Variants in TEX11 observed in about 807,000 individuals in gnomAD.
TEX11 encodes the protein testis-expressed protein 11.
TEX11 carries 7 observed loss-of-function variants against 84.4 expected under a neutral mutation model. That is an observed-to-expected ratio of 0.08 (90% CI 0.05 to 0.16). The LOEUF is 0.16. TEX11 is among the 10% of genes least tolerant of loss of function. TEX11 has a pLI of 1.00. For synonymous variants in TEX11, 264 were observed against 222.8 expected (o/e 1.18, Z -1.64); for missense variants, 551 against 660.5 (o/e 0.83, Z 1.82).
At chrX:70,779,234 G>A (rs2091021025) in intron 9 of TEX11, among the ~76,000 whole-genome samples, 1 of 108,848 alleles carries the variant, frequency 9.2e-6, no homozygotes, top group Admixed American at 1.0e-4. Flanking sequence ...GGCCAAGATG[G>A]TGAAACCCCG....
At chrX:70,825,349 G>GTA (rs202133646) in intron 8 of TEX11, among the ~76,000 whole-genome samples, 83 of 105,581 alleles carry the variant, frequency 7.9e-4, no homozygotes, top group East Asian at 5.5e-3. Context: ...TTATATATAT[G>GTA]TATATATATA....
intron 2 of TEX11, among the ~76,000 whole-genome samples, chrX:70,907,468 G>A (rs982822395): frequency 3.6e-5 from 4 of 110,268 alleles, no homozygotes; most frequent in Admixed American, 9.7e-5. Flanking sequence ...GCGCAGTGGC[G>A]CAGTCTCTGC....
chrX:70,536,280 G>A (rs1487018086), intron 28 of TEX11, among the ~76,000 whole-genome samples: 2 of 110,036 alleles, frequency 1.8e-5, no homozygotes, highest in African/African-American at 6.6e-5. Context: ...ATAGAGACAA[G>A]ATCTCGCTAT....
chrX:70,818,799 G>A (rs2091303633), intron 8 of TEX11, among the ~76,000 whole-genome samples: 1 of 111,233 alleles, frequency 9.0e-6, no homozygotes, highest in Non-Finnish European at 1.9e-5. Flanking sequence ...ACACCCACAG[G>A]TGAAGGTTTT....
chrX:70,550,707 A>G (rs775905742), intron 28 of TEX11, among the ~76,000 whole-genome samples: 18 of 111,389 alleles, frequency 1.6e-4, no homozygotes, highest in African/African-American at 5.9e-4. Context: ...ATATCATCTC[A>G]CCCCAGTTAA....
intron 9 of TEX11, among the ~76,000 whole-genome samples, chrX:70,780,392 C>T (rs756248792): frequency 8.9e-5 from 10 of 112,784 alleles, no homozygotes; most frequent in Non-Finnish European, 1.5e-4. Flanking sequence ...GCGTGATCGA[C>T]GCAGAAGATG....
At chrX:70,750,930 AAAAAT>A (rs1320040660) in intron 9 of TEX11, among the ~76,000 whole-genome samples, 5 of 36,970 alleles carry the variant, frequency 1.4e-4, no homozygotes, top group African/African-American at 6.8e-4. Flanking sequence ...ATAAAAAAAA[AAAAAT>A]ATATATATAT....
intron 25 of TEX11, among the ~76,000 whole-genome samples, chrX:70,580,163 G>A (rs1334622551): frequency 1.8e-5 from 2 of 112,041 alleles, no homozygotes; most frequent in Non-Finnish European, 3.8e-5. Context: ...CAATATGAAT[G>A]GGACTGGAGG....
intron 13 of TEX11, among the ~76,000 whole-genome samples, chrX:70,691,835 A>G (rs1449113661): frequency 9.0e-6 from 1 of 110,795 alleles, no homozygotes; most frequent in Non-Finnish European, 1.9e-5. Context: ...AAAAAAGGTA[A>G]CCATGAAGTG....
intron 25 of TEX11, among the ~76,000 whole-genome samples, chrX:70,571,298 C>T (rs1180485361): frequency 6.2e-5 from 7 of 112,142 alleles, no homozygotes; most frequent in South Asian, 3.7e-4. Context: ...GGATTACAGG[C>T]ATGAGCCACT....
intron 3 of TEX11, among the ~76,000 whole-genome samples, chrX:70,875,069 G>A (rs1015463321): frequency 2.7e-5 from 3 of 109,964 alleles, no homozygotes; most frequent in East Asian, 2.9e-4. Flanking sequence ...CCAGCTACTC[G>A]GGAGGCTGAG....
chrX:70,744,865 C>A (rs1234630927), intron 9 of TEX11, among the ~76,000 whole-genome samples: 1 of 108,102 alleles, frequency 9.3e-6, no homozygotes. Context: ...AACTCATCAC[C>A]ATGCGTGGCT....
At chrX:70,838,065 ACTATTTTTGTAGTTTC>A (rs1223941762) in intron 7 of TEX11, among the ~76,000 whole-genome samples, 23 of 112,306 alleles carry the variant, frequency 2.0e-4, no homozygotes, top group African/African-American at 7.4e-4. Flanking sequence ...ATCTCTCTTT[ACTATTTTTGTAGTTTC>A]CTGCAAATCT....
intron 25 of TEX11, among the ~76,000 whole-genome samples, chrX:70,570,206 G>A (rs1331265355): frequency 8.9e-6 from 1 of 112,045 alleles, no homozygotes; most frequent in Non-Finnish European, 1.9e-5. Context: ...AGGACCCTAC[G>A]AGCCAGGTGC....
the TEX11 span, among the ~76,000 whole-genome samples, chrX:70,511,232 A>G: frequency 2.7e-5 from 3 of 112,312 alleles, no homozygotes; most frequent in African/African-American, 9.7e-5. Flanking sequence ...CCGCAATTCA[A>G]TTCTTCATTA....
At chrX:70,511,539 G>T in the TEX11 span, among the ~76,000 whole-genome samples, 4 of 108,500 alleles carry the variant, frequency 3.7e-5, no homozygotes, top group South Asian at 3.9e-4. Context: ...TGGATCACAA[G>T]GTCAGAAGTT....
Position 70,853,075 on chromosome X carries a change from C to T in TEX11, c.484G>A (p.Glu162Lys), listed in dbSNP as rs1365016323. ...ADLTMEKITVESDHFRVLSYQ... is the reference protein window; with the variant it reads ...ADLTMEKITVKSDHFRVLSYQ... ...GAAAGCACTCTGAAGTGGTCACTCT[C>T]AACAGTAATCTTCTCCATGGTCAAG... The change falls in exon 7 of 30, where the codon GAG (glutamate) becomes AAG (lysine). Residue 162 changes from glutamate (E) to lysine (K), a missense_variant. Coordinates refer to ENST00000374333, the MANE Select transcript of TEX11 (RefSeq NM_031276.3). 1.7e-6 allele frequency: 2 copies of T among 1,208,924 alleles called. No homozygotes were observed. The highest frequency in any genetic ancestry group is 3.5e-5 in the African/African-American group (2 of 57,665).
At chrX:70,864,909 A>G (rs1180780470) in intron 4 of TEX11, among the ~76,000 whole-genome samples, 1 of 111,003 alleles carries the variant, frequency 9.0e-6, no homozygotes, top group African/African-American at 3.3e-5. Context: ...CTAAATATGG[A>G]AAGAAAAAAC....
intron 9 of TEX11, among the ~76,000 whole-genome samples, chrX:70,790,958 T>C (rs2147794823): frequency 8.9e-6 from 1 of 112,389 alleles, no homozygotes; most frequent in South Asian, 3.7e-4. Context: ...TTTATTATTA[T>C]ACTTTAAGTT....
Sources: gnomAD v4.1 joint callset for allele counts (sites outside exome capture counted in the v4.1 genomes callset) on GRCh38, gnomAD v4.1.1 for gene constraint, MANE v1.5 for transcripts, NCBI Gene and HGNC (gene_info 2026-07-23, HGNC 2026-07-21) for gene names.